Variants in AK4 observed in about 807,000 individuals in gnomAD.
AK4 encodes the protein adenylate kinase 4, mitochondrial.
A neutral mutation model predicts 24.6 loss-of-function variants in AK4; 13 were observed. The ratio of observed to expected loss-of-function variants is 0.53; its 90% CI spans 0.34 to 0.84. The LOEUF (loss-of-function observed/expected upper bound fraction) is 0.84, where lower values mean the gene tolerates loss of function less well. Ranked by LOEUF, AK4 falls within the 40% of genes least tolerant of loss-of-function variation. The pLI, the probability that AK4 is intolerant of heterozygous loss-of-function variation, is 0.01. For synonymous variants in AK4, 88 were observed against 107.0 expected (o/e 0.82, Z 1.10); for missense variants, 192 against 288.2 (o/e 0.67, Z 2.42).
chr1:65,221,000 G>C (rs575202165), intron 3 of AK4, among the ~76,000 whole-genome samples: 18 of 152,216 alleles, frequency 1.2e-4, no homozygotes, highest in African/African-American at 3.9e-4. Context: ...ACTAGGGAAG[G>C]CTAAAGGAAT....
Position 65,218,790 on chromosome 1 carries a change from A to T in AK4, c.302A>T (p.Asp101Val). The change falls in exon 3 of 5, where the codon GAC (aspartate) becomes GTC (valine). Residue 101 changes from aspartate (D) to valine (V), a missense_variant. Asp to Val is a radical substitution (Grantham distance 152, BLOSUM62 -3). Transcript: ENST00000327299. ...ACATTAGGACAAGCCGAAGCCCTGG[A>T]CAAAATCTGTGAAGTGGATCTAGTG... is the stretch of plus-strand genomic sequence containing the variant. Reference protein sequence around the residue: ...PRTLGQAEALDKICEVDLVIS... With the variant: ...PRTLGQAEALVKICEVDLVIS... 1 of 1,593,474 alleles carries T rather than the reference A, an allele frequency of 6.3e-7. No individual in the cohort carries two copies. The highest frequency in any genetic ancestry group is 8.5e-7 in the Non-Finnish European group (1 of 1,172,616).
intron 3 of AK4, among the ~76,000 whole-genome samples, chr1:65,220,509 T>C (rs1442338688): frequency 6.6e-6 from 1 of 152,202 alleles, no homozygotes; most frequent in Non-Finnish European, 1.5e-5. Flanking sequence ...GGAGTCTCGC[T>C]CCATCACCCA....
chr1:65,216,151 T>G (rs1447563255), intron 2 of AK4, among the ~76,000 whole-genome samples: 3 of 152,184 alleles, frequency 2.0e-5, no homozygotes, highest in Non-Finnish European at 4.4e-5. Context: ...CTTTTTTTTT[T>G]TTAGACAGTC....
intron 1 of AK4, among the ~76,000 whole-genome samples, chr1:65,178,961 G>A (rs1415109296): frequency 6.6e-6 from 1 of 152,214 alleles, no homozygotes; most frequent in African/African-American, 2.4e-5. Flanking sequence ...GGAACACACT[G>A]TGGTGTCAGC....
chr1:65,203,573 G>T (rs1448322338), intron 2 of AK4, among the ~76,000 whole-genome samples: 2 of 152,154 alleles, frequency 1.3e-5, no homozygotes, highest in African/African-American at 4.8e-5. Context: ...GGAGGACGAG[G>T]TGGGTGGATC....
chr1:65,231,238 T>C lies in AK4; in HGVS notation c.*5061T>C, dbSNP rs1652635312. On this transcript the variant is annotated 3_prime_UTR_variant, in exon 5 of 5. Transcript: ENST00000327299. Reference sequence around the variant, plus strand: ...CTGTTGAAATATAGTTGTTCATACTTGCCATCCCTTATCTTTCTTGTAACA... The same window carrying C: ...CTGTTGAAATATAGTTGTTCATACTCGCCATCCCTTATCTTTCTTGTAACA... 1 of 152,246 alleles carries C rather than the reference T, an allele frequency of 6.6e-6. No homozygotes were observed. Among genetic ancestry groups the C allele is most frequent in the Non-Finnish European group, 1.5e-5 (1 of 68,054 alleles). 9.4% of individuals were successfully genotyped at this position (152,246 alleles called of 1,614,324 possible).
At chr1:65,186,702 G>A (rs1275980448) in intron 1 of AK4, among the ~76,000 whole-genome samples, 2 of 152,148 alleles carry the variant, frequency 1.3e-5, no homozygotes, top group Non-Finnish European at 2.9e-5. Context: ...TAAGAATGGG[G>A]CTCTGGGCCT....
At chr1:65,147,889 G>A (rs567117187), upstream of AK4, 3 of 152,592 alleles carry the variant, frequency 2.0e-5, no homozygotes, top group African/African-American at 4.8e-5. Context: ...GGACCGGGCA[G>A]GGGCTCAGCC....
At position 65,148,253 on chromosome 1, in the gene AK4, T is replaced by C; in HGVS notation, c.-155T>C. The stretch of plus-strand genomic sequence containing the variant: ...GCTGGGCTGAGGGGAGGGGTTGTCT[T>C]AAAAGTCTCTCCTTCCCCCTGTAGG... On this transcript the variant is annotated 5_prime_UTR_variant, in exon 1 of 5. Coordinates refer to ENST00000327299, the MANE Select transcript of AK4 (RefSeq NM_013410.4). 1 of 1,257,960 alleles carries C rather than the reference T, an allele frequency of 7.9e-7. No homozygotes were observed. Among genetic ancestry groups the C allele is most frequent in the Non-Finnish European group, 1.1e-6 (1 of 940,580 alleles). 77.9% of individuals were successfully genotyped at this position (1,257,960 alleles called of 1,614,324 possible). A position where few individuals can be genotyped will look rare whatever the true frequency, so the allele number is the denominator to read the frequency against.
intron 2 of AK4, among the ~76,000 whole-genome samples, chr1:65,201,432 A>G (rs1651660866): frequency 6.6e-6 from 1 of 152,184 alleles, no homozygotes; most frequent in South Asian, 2.1e-4. Flanking sequence ...TCAGAGATTG[A>G]CTAGATTTTA....
chr1:65,203,583 C>T (rs1651728973), intron 2 of AK4, among the ~76,000 whole-genome samples: 1 of 152,112 alleles, frequency 6.6e-6, no homozygotes, highest in African/African-American at 2.4e-5. Flanking sequence ...GTGGGTGGAT[C>T]ACTTGAGATC....
chr1:65,157,424 T>C (rs1650018976), intron 1 of AK4, among the ~76,000 whole-genome samples: 1 of 152,172 alleles, frequency 6.6e-6, no homozygotes, highest in Admixed American at 6.6e-5. Context: ...ACAAGGTCTG[T>C]TCCTGAAGGA....
chr1:65,167,015 T>G (rs1650354403), intron 1 of AK4, among the ~76,000 whole-genome samples: 1 of 152,132 alleles, frequency 6.6e-6, no homozygotes, highest in South Asian at 2.1e-4. Flanking sequence ...GCCTGTAGTC[T>G]CAGCTACTCA....
chr1:65,152,036 G>C (rs1482188443), intron 1 of AK4, among the ~76,000 whole-genome samples: 1 of 149,660 alleles, frequency 6.7e-6, no homozygotes, highest in Non-Finnish European at 1.5e-5. Context: ...GTATGTATGA[G>C]TATACACACA....
intron 1 of AK4, among the ~76,000 whole-genome samples, chr1:65,155,702 G>A (rs115639234): frequency 0.012 from 1,774 of 149,746 alleles, 39 homozygotes; most frequent in African/African-American, 0.042. Context: ...TTGCTCTGTC[G>A]CCTAGGCTAG....
intron 1 of AK4, among the ~76,000 whole-genome samples, chr1:65,149,968 G>A (rs1649710673): frequency 6.6e-6 from 1 of 152,164 alleles, no homozygotes; most frequent in Non-Finnish European, 1.5e-5. Context: ...GTTTAGGTTG[G>A]GCTTCTTCAT....
At chr1:65,156,696 G>C (rs1360303168) in intron 1 of AK4, among the ~76,000 whole-genome samples, 3 of 151,854 alleles carry the variant, frequency 2.0e-5, no homozygotes, top group African/African-American at 4.8e-5. Context: ...GGCTGAGGCG[G>C]GCAGATCATG....
intron 1 of AK4, among the ~76,000 whole-genome samples, chr1:65,175,319 T>C (rs1293922287): frequency 6.6e-6 from 1 of 152,204 alleles, no homozygotes; most frequent in Non-Finnish European, 1.5e-5. Context: ...TTGGAGCCCT[T>C]GCTGTAGTTC....
At chr1:65,173,351 C>T (rs1650602626) in intron 1 of AK4, among the ~76,000 whole-genome samples, 1 of 152,154 alleles carries the variant, frequency 6.6e-6, no homozygotes, top group South Asian at 2.1e-4. Flanking sequence ...TCAGCTGTCC[C>T]TGTCCTCCAG....
Sources: gnomAD v4.1 joint callset for allele counts (sites outside exome capture counted in the v4.1 genomes callset) on GRCh38, gnomAD v4.1.1 for gene constraint, MANE v1.5 for transcripts, NCBI Gene and HGNC (gene_info 2026-07-23, HGNC 2026-07-21) for gene names.